The following DIP2C variants were observed in gnomAD, a reference collection of about 807,000 sequenced individuals.
The protein encoded by DIP2C is disco-interacting protein 2 homolog C.
Under a neutral mutation model 192.4 loss-of-function variants are expected in DIP2C, and 33 were observed. That is an observed-to-expected ratio of 0.17 (90% CI 0.13 to 0.23). The LOEUF (loss-of-function observed/expected upper bound fraction) is 0.23, where lower values mean the gene tolerates loss of function less well. Ranked by LOEUF, DIP2C falls within the 10% of genes least tolerant of loss-of-function variation. DIP2C has a pLI of 1.00. For synonymous variants in DIP2C, 979 were observed against 864.1 expected (o/e 1.13, Z -2.33); for missense variants, 1,537 against 2,110.1 (o/e 0.73, Z 5.32).
intron 1 of DIP2C, among the ~76,000 whole-genome samples, chr10:512,210 G>C (rs562578011): frequency 6.6e-6 from 1 of 152,250 alleles, no homozygotes; most frequent in Admixed American, 6.5e-5. Context: ...TATTATTATG[G>C]AAAATTAAAT....
At chr10:593,309 G>T (rs1382820236) in intron 1 of DIP2C, among the ~76,000 whole-genome samples, 1 of 152,144 alleles carries the variant, frequency 6.6e-6, no homozygotes, top group Non-Finnish European at 1.5e-5. Flanking sequence ...CCCACGCCCA[G>T]TGTAACCCTA....
At chr10:573,298 G>GA (rs1486235638) in intron 1 of DIP2C, among the ~76,000 whole-genome samples, 1 of 152,012 alleles carries the variant, frequency 6.6e-6, no homozygotes, top group African/African-American at 2.4e-5. Context: ...ACAATGTAAT[G>GA]AAAAAACAGG....
chr10:506,768 GC>G (rs1256817288), intron 1 of DIP2C, among the ~76,000 whole-genome samples: 1 of 152,238 alleles, frequency 6.6e-6, no homozygotes, highest in African/African-American at 2.4e-5. Context: ...GGCTTAGCGA[GC>G]CACGCAACGT....
intron 1 of DIP2C, among the ~76,000 whole-genome samples, chr10:499,275 T>C (rs1845063530): frequency 6.6e-6 from 1 of 152,236 alleles, no homozygotes; most frequent in South Asian, 2.1e-4. Flanking sequence ...AGCGCAGCCC[T>C]GACAGCAGCA....
At chr10:350,275 T>TG in intron 24 of DIP2C, among the ~76,000 whole-genome samples, 1 of 152,294 alleles carries the variant, frequency 6.6e-6, no homozygotes, top group East Asian at 1.9e-4. Context: ...CTCATAGAGA[T>TG]GGGGTCTCCC....
At chr10:374,852 A>G (rs34641941) in intron 17 of DIP2C, among the ~76,000 whole-genome samples, 20,481 of 152,216 alleles carry the variant, frequency 0.13, 1,471 homozygotes, top group East Asian at 0.2. Context: ...TTAATAATCA[A>G]TATCAGTACA....
At position 460,066 on chromosome 10, in the gene DIP2C, CCA is replaced by C. The variant is rs531587407; in HGVS notation, c.268+12371_268+12372del. Among the ~76,000 whole-genome samples the C allele has an allele frequency of 3.9e-3, 584 of 150,372 alleles. 5 individuals are homozygous for C. Among genetic ancestry groups the C allele is most frequent in the African/African-American group, 0.014 (557 of 40,948 alleles). On this transcript the variant is annotated intron_variant, in intron 3 of 36. Transcript: ENST00000280886. Reference sequence around the variant, plus strand: ...GCACATGAGCTCTAGTATCTTCCTCCCACAGTCACATCAAGGGATCGCGTGCT... The same window carrying C: ...GCACATGAGCTCTAGTATCTTCCTCCCAGTCACATCAAGGGATCGCGTGCT...
At chr10:387,023 G>A (rs900946378) in intron 14 of DIP2C, among the ~76,000 whole-genome samples, 1 of 152,150 alleles carries the variant, frequency 6.6e-6, no homozygotes, top group African/African-American at 2.4e-5. Flanking sequence ...CCATCCTCAA[G>A]GGCAAATCTG....
At chr10:447,320 C>A (rs1356185377) in intron 3 of DIP2C, among the ~76,000 whole-genome samples, 1 of 149,288 alleles carries the variant, frequency 6.7e-6, no homozygotes, top group South Asian at 2.1e-4. Context: ...CCCACTCACC[C>A]CTGTCGATAT....
intron 28 of DIP2C, among the ~76,000 whole-genome samples, chr10:343,489 G>C (rs1436998182): frequency 6.6e-6 from 1 of 152,210 alleles, no homozygotes; most frequent in Non-Finnish European, 1.5e-5. Context: ...ACTATTGGAA[G>C]TTCTGCCTGG....
intron 1 of DIP2C, among the ~76,000 whole-genome samples, chr10:607,695 G>A (rs1852597248): frequency 6.6e-6 from 1 of 152,144 alleles, no homozygotes; most frequent in Non-Finnish European, 1.5e-5. Flanking sequence ...CACGCCATAA[G>A]GTTGAAAAAT....
At chr10:442,241 A>C (rs1315224505) in intron 3 of DIP2C, among the ~76,000 whole-genome samples, 4 of 152,124 alleles carry the variant, frequency 2.6e-5, no homozygotes, top group African/African-American at 9.7e-5. Context: ...GGAATCAGAC[A>C]TGTCTTTCCT....
At chr10:362,719 G>A (rs763266890) in intron 21 of DIP2C, 28 bp from the exon 22 acceptor site, 1 of 1,579,436 alleles carries the variant, frequency 6.3e-7, no homozygotes, top group Non-Finnish European at 8.6e-7. Context: ...AGGAAATCAT[G>A]TTATAAGAGG....
intron 31 of DIP2C, among the ~76,000 whole-genome samples, chr10:321,209 C>G (rs1956992166): frequency 6.6e-6 from 1 of 152,220 alleles, no homozygotes; most frequent in South Asian, 2.1e-4. Flanking sequence ...AAGTGCTTGT[C>G]CAGGCGCCAA....
intron 1 of DIP2C, among the ~76,000 whole-genome samples, chr10:515,510 G>A (rs1414680901): frequency 6.6e-6 from 1 of 152,102 alleles, no homozygotes; most frequent in Non-Finnish European, 1.5e-5. Context: ...ATCACTTGAG[G>A]TAAGGAGTTC....
intron 1 of DIP2C, among the ~76,000 whole-genome samples, chr10:643,033 G>A (rs1332662527): frequency 4.0e-5 from 6 of 150,950 alleles, no homozygotes; most frequent in Non-Finnish European, 5.9e-5. Flanking sequence ...GCAAAATCCC[G>A]TCTCTACTAA....
intron 3 of DIP2C, among the ~76,000 whole-genome samples, chr10:464,515 G>A (rs1472578051): frequency 2.0e-5 from 3 of 151,858 alleles, no homozygotes; most frequent in African/African-American, 7.2e-5. Flanking sequence ...GAGAGGATGT[G>A]AAGAAACACC....
intron 17 of DIP2C, among the ~76,000 whole-genome samples, chr10:381,642 C>T (rs764515908): frequency 7.2e-5 from 11 of 152,230 alleles, no homozygotes; most frequent in Non-Finnish European, 1.6e-4. Flanking sequence ...GAGGGAGACA[C>T]GTCCTGCTCT....
chr10:421,717 G>T (rs931389309), intron 5 of DIP2C, among the ~76,000 whole-genome samples: 1 of 152,094 alleles, frequency 6.6e-6, no homozygotes, highest in Non-Finnish European at 1.5e-5. Flanking sequence ...ACTCACAACA[G>T]TTCTGAGAGA....
Sources: allele counts gnomAD v4.1 joint callset (sites outside exome capture counted in the v4.1 genomes callset), GRCh38; gene constraint gnomAD v4.1.1; transcripts MANE v1.5; gene names NCBI Gene and HGNC (gene_info 2026-07-23, HGNC 2026-07-21).